UBE2U: variants seen among roughly 807,000 people sequenced by gnomAD.
UBE2U encodes ubiquitin-conjugating enzyme E2 U.
A neutral mutation model predicts 41.2 loss-of-function variants in UBE2U; 39 were observed. That is an observed-to-expected ratio of 0.95 (90% CI 0.73 to 1.24). The LOEUF (loss-of-function observed/expected upper bound fraction) is 1.24, where lower values mean the gene tolerates loss of function less well. Among genes scored for constraint, UBE2U ranks in the 50% most tolerant of loss-of-function variants. The pLI, the probability that UBE2U is intolerant of heterozygous loss-of-function variation, is 0.00. For missense variants in UBE2U, 336 were observed against 363.1 expected, an observed-to-expected ratio of 0.93 and a Z score of 0.61; for synonymous variants, 107 against 117.8, an observed-to-expected ratio of 0.91 and a Z score of 0.60.
chr1:64,261,231 A>AGTT (rs1376551890), intron 9 of UBE2U, among the ~76,000 whole-genome samples: 2 of 152,182 alleles, frequency 1.3e-5, no homozygotes, highest in African/African-American at 4.8e-5. Context: ...TAGAGAACTT[A>AGTT]GGTTCAGATT....
At chr1:64,229,944 C>T (rs1239968288) in intron 6 of UBE2U, among the ~76,000 whole-genome samples, 1 of 152,178 alleles carries the variant, frequency 6.6e-6, no homozygotes, top group Admixed American at 6.5e-5. Context: ...CTTGTCTGTA[C>T]TAACAGCACC....
rs999083598 is a variant in UBE2U, at chr1:64,234,187, T to G, written c.595+1538T>G. Among the ~76,000 whole-genome samples, 4 of 152,230 alleles carry G rather than the reference T, an allele frequency of 2.6e-5. No individual in the cohort carries two copies. The South Asian group carries it at 6.2e-4, about 24-fold the overall frequency. The stretch of plus-strand genomic sequence containing the variant: ...GCAGGGGACATCTCACCTATGTGTA[T>G]TATAGGCATCTCATATTCAAGATAT... On this transcript the variant is annotated intron_variant, in intron 7 of 9. Transcript: ENST00000371077.
At chr1:64,261,321 G>A (rs1645177467) in intron 9 of UBE2U, among the ~76,000 whole-genome samples, 1 of 152,098 alleles carries the variant, frequency 6.6e-6, no homozygotes, top group South Asian at 2.1e-4. Flanking sequence ...TGTGTATGTG[G>A]AAGATGTTCA....
intron 4 of UBE2U, among the ~76,000 whole-genome samples, chr1:64,214,142 TCAG>T (rs1252899279): frequency 6.6e-6 from 1 of 152,166 alleles, no homozygotes; most frequent in East Asian, 1.9e-4. Context: ...TAATAGCTAT[TCAG>T]TATTCCTTTG....
At chr1:64,264,322 C>T (rs745423678) in intron 9 of UBE2U, among the ~76,000 whole-genome samples, 1 of 152,218 alleles carries the variant, frequency 6.6e-6, no homozygotes, top group African/African-American at 2.4e-5. Flanking sequence ...GCTTCCATAA[C>T]TTATTTTGTT....
intron 5 of UBE2U, chr1:64,215,458 C>T (rs1219409711): frequency 3.9e-5 from 6 of 152,776 alleles, no homozygotes; most frequent in South Asian, 2.1e-4. Flanking sequence ...TCTCAAGCTC[C>T]GTATCTTTAA....
intron 6 of UBE2U, 139 bp downstream of exon 6, chr1:64,221,046 T>G (rs1652420876): frequency 1.7e-6 from 1 of 605,714 alleles, no homozygotes; most frequent in East Asian, 3.3e-5. Flanking sequence ...AAATATTGTT[T>G]TCAGAAAGAA....
intron 6 of UBE2U, among the ~76,000 whole-genome samples, 167 bp downstream of exon 6, chr1:64,221,074 T>C (rs954415168): frequency 3.3e-5 from 5 of 152,212 alleles, no homozygotes; most frequent in Admixed American, 3.3e-4. Context: ...AATTTTGAAT[T>C]CTTTCTAGTT....
chr1:64,236,998 G>A (rs186167476), intron 7 of UBE2U, among the ~76,000 whole-genome samples: 2 of 152,240 alleles, frequency 1.3e-5, no homozygotes, highest in Admixed American at 6.5e-5. Flanking sequence ...AACCAAGGCT[G>A]GGAAGGTCCT....
chr1:64,223,371 G>A (rs1048749108), intron 6 of UBE2U, among the ~76,000 whole-genome samples: 2 of 152,202 alleles, frequency 1.3e-5, no homozygotes, highest in African/African-American at 4.8e-5. Flanking sequence ...AATGTAGACA[G>A]TATTTGCCAC....
intron 7 of UBE2U, among the ~76,000 whole-genome samples, chr1:64,239,736 T>C (rs926141877): frequency 3.3e-5 from 5 of 152,140 alleles, no homozygotes; most frequent in Non-Finnish European, 7.3e-5. Context: ...CCATGGTGTA[T>C]ATGTGTCACA....
intron 8 of UBE2U, among the ~76,000 whole-genome samples, chr1:64,253,999 A>G (rs1645052665): frequency 6.6e-6 from 1 of 152,200 alleles, no homozygotes; most frequent in African/African-American, 2.4e-5. Flanking sequence ...ACCCATTGGT[A>G]TGCTGTCTTC....
chr1:64,233,108 C>T (rs762584718), intron 7 of UBE2U, among the ~76,000 whole-genome samples: 17 of 151,898 alleles, frequency 1.1e-4, no homozygotes, highest in Non-Finnish European at 1.9e-4. Context: ...CCCAGGTTCA[C>T]GCCATTCTCC....
chr1:64,255,870 C>T (rs1181383414), intron 8 of UBE2U, among the ~76,000 whole-genome samples: 1 of 152,080 alleles, frequency 6.6e-6, no homozygotes, highest in African/African-American at 2.4e-5. Flanking sequence ...GTCTAGAAAA[C>T]CCCATGGTCT....
intron 7 of UBE2U, among the ~76,000 whole-genome samples, chr1:64,240,602 C>A (rs997542829): frequency 6.6e-6 from 1 of 152,172 alleles, no homozygotes; most frequent in Non-Finnish European, 1.5e-5. Context: ...TGTGAAGGAT[C>A]AAGCAAGGTC....
chr1:64,258,128 T>C (rs1180599732), intron 8 of UBE2U, among the ~76,000 whole-genome samples: 1 of 152,220 alleles, frequency 6.6e-6, no homozygotes, highest in African/African-American at 2.4e-5. Flanking sequence ...GTATCACTAC[T>C]GATTTATCTT....
intron 6 of UBE2U, among the ~76,000 whole-genome samples, chr1:64,230,017 A>C (rs951869584): frequency 6.6e-6 from 1 of 152,210 alleles, no homozygotes. Flanking sequence ...CTTTCTATTA[A>C]CAGCAAAACG....
In UBE2U at chr1:64,267,216, A is replaced by G. The variant is rs1557756440; in HGVS notation, c.*8A>G. 7 of 1,482,672 alleles carry G rather than the reference A, an allele frequency of 4.7e-6. No homozygotes were observed. The highest frequency in any genetic ancestry group is 1.7e-4 in the Middle Eastern group (1 of 5,760). The allele number at this position is 1,482,672 out of a possible 1,614,324, so 91.8% of individuals were successfully genotyped here. Reference sequence around the variant, plus strand: ...AATACTTCAGAAGATTAAGCAGAACATTATCAGATTCAAAAAATAAACAGC... The same window carrying G: ...AATACTTCAGAAGATTAAGCAGAACGTTATCAGATTCAAAAAATAAACAGC... On this transcript the variant is annotated 3_prime_UTR_variant, in exon 10 of 10. Transcript: ENST00000371077.
intron 5 of UBE2U, among the ~76,000 whole-genome samples, chr1:64,216,311 T>A (rs768509318): frequency 2.3e-4 from 35 of 152,208 alleles, no homozygotes; most frequent in South Asian, 6.2e-4. Context: ...ATTTTACCCT[T>A]CTCTGGCTTG....
Sources: allele counts gnomAD v4.1 joint callset (sites outside exome capture counted in the v4.1 genomes callset), GRCh38; gene constraint gnomAD v4.1.1; transcripts MANE v1.5; gene names NCBI Gene and HGNC (gene_info 2026-07-23, HGNC 2026-07-21).